Variants in STPG4 observed in about 807,000 individuals in gnomAD.
STPG4 encodes the protein sperm-tail PG-rich repeat containing 4.
Under a neutral mutation model 31.5 loss-of-function variants are expected in STPG4, and 41 were observed. The observed-to-expected ratio is 1.30, with a 90% CI of 1.01 to 1.69. The LOEUF (loss-of-function observed/expected upper bound fraction) is 1.69, where lower values mean the gene tolerates loss of function less well. Among genes scored for constraint, STPG4 ranks in the 40% most tolerant of loss-of-function variants. STPG4 has a pLI of 0.00. For missense variants in STPG4, 375 were observed against 293.4 expected (o/e 1.28, Z -2.03); for synonymous variants, 141 against 103.0 (o/e 1.37, Z -2.24).
intron 5 of STPG4, among the ~76,000 whole-genome samples, chr2:47,114,400 G>A (rs372760004): frequency 2.0e-5 from 3 of 152,084 alleles, no homozygotes; most frequent in East Asian, 1.9e-4. Context: ...TCAGCTACTC[G>A]GGATGTTGAG....
intron 5 of STPG4, among the ~76,000 whole-genome samples, chr2:47,110,255 T>C (rs368236331): frequency 2.6e-5 from 4 of 152,376 alleles, no homozygotes; most frequent in Non-Finnish European, 2.9e-5. Context: ...CTTAACCATA[T>C]TGATGGCTCT....
At chr2:47,088,922 G>C (rs1449500926) in intron 6 of STPG4, among the ~76,000 whole-genome samples, 1 of 152,132 alleles carries the variant, frequency 6.6e-6, no homozygotes, top group Non-Finnish European at 1.5e-5. Flanking sequence ...AGGTTCAGGG[G>C]GCCTGCATCT....
chr2:47,151,364 T>C lies in STPG4; in HGVS notation c.293A>G (p.Gln98Arg), dbSNP rs781616510. ...RNNPVLNDLP[Q>R]YMPPDFLDLL... is the part of the protein sequence containing the mutation. Reference sequence around the variant, plus strand: ...GTCCAGGAAGTCAGGAGGCATATACTGCGGAAGATCATTTAGGACTGGATT... The same window carrying C: ...GTCCAGGAAGTCAGGAGGCATATACCGCGGAAGATCATTTAGGACTGGATT... The change falls in exon 3 of 7, where the codon CAG becomes CGG. Residue 98 changes from glutamine (Q) to arginine (R), a missense_variant. Gln to Arg is a conservative substitution (Grantham distance 43, BLOSUM62 1). Transcript: ENST00000445927. The C allele has an allele frequency of 6.2e-7, 1 of 1,614,178 alleles. No homozygotes were observed.
Position 47,151,306 on chromosome 2 carries a change from G to A in STPG4, c.351C>T (p.Phe117=), listed in dbSNP as rs116630213. ...LLKKQVATYS[F]KDKPRPSPST... Reference sequence around the variant, plus strand: ...TGGGGCTTGGCCGTGGTTTGTCTTTGAATGAGTAAGTAGCCACTTGCTTCT... The same window carrying A: ...TGGGGCTTGGCCGTGGTTTGTCTTTAAATGAGTAAGTAGCCACTTGCTTCT... Residue 117 remains phenylalanine (F), a synonymous_variant, in exon 3 of 7, where the codon TTC becomes TTT. Transcript: ENST00000445927. The A allele has an allele frequency of 6.2e-7, 1 of 1,614,082 alleles. No homozygotes were observed. Among genetic ancestry groups the A allele is most frequent in the African/African-American group, 1.3e-5 (1 of 74,928 alleles).
At chr2:47,126,777 T>A (rs1018512986) in intron 5 of STPG4, among the ~76,000 whole-genome samples, 2 of 152,220 alleles carry the variant, frequency 1.3e-5, no homozygotes, top group Non-Finnish European at 2.9e-5. Flanking sequence ...AAGGATTTTT[T>A]ACTGAATATA....
intron 5 of STPG4, among the ~76,000 whole-genome samples, chr2:47,111,876 C>A (rs1366673970): frequency 1.3e-5 from 2 of 152,154 alleles, no homozygotes; most frequent in East Asian, 3.9e-4. Context: ...GATTAAAAAT[C>A]ATTTTCCAAC....
intron 5 of STPG4, 146 bp downstream of exon 5, chr2:47,129,795 T>G: frequency 1.0e-6 from 1 of 980,704 alleles, no homozygotes; most frequent in Non-Finnish European, 1.5e-6. Flanking sequence ...TGTTTTCTTG[T>G]GTGGATAATT....
chr2:47,103,340 C>G (rs1156528897), intron 5 of STPG4, among the ~76,000 whole-genome samples: 1 of 151,898 alleles, frequency 6.6e-6, no homozygotes, highest in Non-Finnish European at 1.5e-5. Flanking sequence ...TCAATTGATT[C>G]TAAAAGATAA....
At chr2:47,128,419 T>C (rs1686405396) in intron 5 of STPG4, among the ~76,000 whole-genome samples, 3 of 152,242 alleles carry the variant, frequency 2.0e-5, no homozygotes. Context: ...CAAGTGCAGA[T>C]CAGAAATACC....
At chr2:47,097,972 A>G (rs865887667) in intron 5 of STPG4, among the ~76,000 whole-genome samples, 1 of 149,280 alleles carries the variant, frequency 6.7e-6, no homozygotes, top group South Asian at 2.1e-4. Flanking sequence ...AAAAAAAAAA[A>G]TGCACTGAGG....
chr2:47,102,102 G>A (rs1026082904), intron 5 of STPG4, among the ~76,000 whole-genome samples: 5 of 151,774 alleles, frequency 3.3e-5, no homozygotes, highest in African/African-American at 1.2e-4. Context: ...TAGTGTTTCT[G>A]CTGCTGCGTC....
intron 5 of STPG4, among the ~76,000 whole-genome samples, chr2:47,117,022 T>C (rs1686166511): frequency 6.6e-6 from 1 of 152,160 alleles, no homozygotes; most frequent in Non-Finnish European, 1.5e-5. Flanking sequence ...GTTTATTTGA[T>C]TTTTGCTTAG....
At chr2:47,088,642 A>G (rs576348926) in intron 6 of STPG4, among the ~76,000 whole-genome samples, 5 of 152,136 alleles carry the variant, frequency 3.3e-5, no homozygotes, top group Non-Finnish European at 7.4e-5. Context: ...ATTATCACCT[A>G]CTTGTCATTT....
chr2:47,087,253 A>G, intron 6 of STPG4, 123 bp from the exon 7 acceptor site: 1 of 1,139,732 alleles, frequency 8.8e-7, no homozygotes, highest in Non-Finnish European at 1.2e-6. Context: ...CCAGGGCCAC[A>G]CCAGCCTGGG....
At chr2:47,112,947 A>G in intron 5 of STPG4, among the ~76,000 whole-genome samples, 1 of 144,966 alleles carries the variant, frequency 6.9e-6, no homozygotes, top group South Asian at 2.2e-4. Flanking sequence ...AGCCAAGATT[A>G]TGTCACTGCG....
intron 3 of STPG4, among the ~76,000 whole-genome samples, chr2:47,148,323 T>C (rs1239930188): frequency 2.0e-5 from 3 of 151,962 alleles, no homozygotes; most frequent in African/African-American, 7.3e-5. Context: ...TACTAATAGT[T>C]AGCCACTCAG....
chr2:47,102,035 G>A (rs532182928), intron 5 of STPG4, among the ~76,000 whole-genome samples: 1 of 151,992 alleles, frequency 6.6e-6, no homozygotes, highest in East Asian at 1.9e-4. Context: ...AGAATGCGTA[G>A]GTAAGGACCA....
intron 5 of STPG4, among the ~76,000 whole-genome samples, chr2:47,110,084 T>C (rs937809901): frequency 3.3e-5 from 5 of 151,926 alleles, no homozygotes; most frequent in African/African-American, 1.2e-4. Context: ...GAAAGATGTG[T>C]GTGTCTCATT....
rs1322400493 is a variant in STPG4 at position 47,151,342 on chromosome 2, C to T, written c.315G>A (p.Leu105=). ...DLPQYMPPDF[L]DLLKKQVATY... is the part of the protein sequence containing the mutation. ...TAGCCACTTGCTTCTTTAACAGGTCCAGGAAGTCAGGAGGCATATACTGCG... is the reference window on the plus strand; with the variant it reads ...TAGCCACTTGCTTCTTTAACAGGTCTAGGAAGTCAGGAGGCATATACTGCG... The change falls in exon 3 of 7, where the codon CTG becomes CTA. Residue 105 remains leucine (L), a synonymous_variant. Coordinates refer to ENST00000445927, the MANE Select transcript of STPG4 (RefSeq NM_001163561.2). The T allele has an allele frequency of 6.2e-7, 1 of 1,614,028 alleles. No homozygotes were observed. Among genetic ancestry groups the T allele is most frequent in the Non-Finnish European group, 8.5e-7 (1 of 1,180,034 alleles).
Sources: allele counts gnomAD v4.1 joint callset (sites outside exome capture counted in the v4.1 genomes callset), GRCh38; gene constraint gnomAD v4.1.1; transcripts MANE v1.5; gene names NCBI Gene and HGNC (gene_info 2026-07-23, HGNC 2026-07-21).